PCDH15: variants seen among roughly 807,000 people sequenced by gnomAD.
PCDH15 encodes the protein protocadherin related 15, also known as protocadherin-15.
Under a neutral mutation model 178.5 loss-of-function variants are expected in PCDH15, and 129 were observed. The observed-to-expected ratio is 0.72, with a 90% CI of 0.63 to 0.84. The LOEUF (loss-of-function observed/expected upper bound fraction) is 0.84, where lower values mean the gene tolerates loss of function less well. PCDH15 is among the 40% of genes least tolerant of loss of function. PCDH15 has a pLI of 0.00. For synonymous variants in PCDH15, 800 were observed against 732.0 expected (o/e 1.09, Z -1.50); for missense variants, 2,230 against 2,099.9 (o/e 1.06, Z -1.21).
intron 2 of PCDH15, among the ~76,000 whole-genome samples, chr10:55,386,003 A>G (rs1837651187): frequency 6.6e-6 from 1 of 151,774 alleles, no homozygotes; most frequent in African/African-American, 2.4e-5. Flanking sequence ...GGTAAAATAT[A>G]TTAACAATGA....
At chr10:54,934,436 A>G (rs185046423) in intron 2 of PCDH15, among the ~76,000 whole-genome samples, 6 of 152,224 alleles carry the variant, frequency 3.9e-5, no homozygotes, top group Non-Finnish European at 7.4e-5. Flanking sequence ...GGGCTATGCT[A>G]AACTCATGGA....
chr10:55,099,023 C>A (rs1842515681), intron 2 of PCDH15, among the ~76,000 whole-genome samples: 1 of 151,758 alleles, frequency 6.6e-6, no homozygotes, highest in African/African-American at 2.4e-5. Flanking sequence ...CTATTTGGCG[C>A]AAGATGATGA....
chr10:54,672,066 T>C (rs752773508), intron 1 of PCDH15, among the ~76,000 whole-genome samples: 7 of 152,120 alleles, frequency 4.6e-5, no homozygotes, highest in Non-Finnish European at 1.0e-4. Context: ...GGGTTCCAGG[T>C]TGCATGTTCC....
At chr10:55,025,847 G>A (rs894215769) in intron 2 of PCDH15, among the ~76,000 whole-genome samples, 2 of 151,872 alleles carry the variant, frequency 1.3e-5, no homozygotes, top group Non-Finnish European at 2.9e-5. Flanking sequence ...AAAGGTTCCT[G>A]CGATTGAGGT....
chr10:54,736,527 A>G (rs1430936053), intron 1 of PCDH15, among the ~76,000 whole-genome samples: 1 of 152,058 alleles, frequency 6.6e-6, no homozygotes, highest in African/African-American at 2.4e-5. Flanking sequence ...GAATACTTCA[A>G]TCATCATTTA....
intron 2 of PCDH15, among the ~76,000 whole-genome samples, chr10:55,365,912 G>C (rs1845346721): frequency 6.6e-6 from 1 of 151,922 alleles, no homozygotes; most frequent in Admixed American, 6.6e-5. Flanking sequence ...TATCCTATCA[G>C]TAGTTCCCTT....
intron 3 of PCDH15, among the ~76,000 whole-genome samples, chr10:54,488,968 T>C (rs1221535508): frequency 6.6e-6 from 1 of 152,046 alleles, no homozygotes; most frequent in Non-Finnish European, 1.5e-5. Context: ...AGACTATTTC[T>C]ATTGAAATAA....
At chr10:54,830,669 G>C (rs1015810165) in intron 3 of PCDH15, among the ~76,000 whole-genome samples, 4 of 151,134 alleles carry the variant, frequency 2.6e-5, no homozygotes, top group Non-Finnish European at 2.9e-5. Context: ...CAACAACATG[G>C]CACATGTATA....
chr10:54,752,144 C>T (rs1946312667), intron 1 of PCDH15, among the ~76,000 whole-genome samples: 1 of 152,024 alleles, frequency 6.6e-6, no homozygotes, highest in Non-Finnish European at 1.5e-5. Flanking sequence ...AACATTGTTG[C>T]AGAATTTGTC....
Position 54,161,152 on chromosome 10 carries a change from A to G in PCDH15, c.1591-7859T>C, listed in dbSNP as rs534370486. On this transcript the variant is annotated intron_variant, in intron 13 of 37. Transcript: ENST00000644397. ...CTGGAAACAACTGAAATGCCCATCA[A>G]CTGGTAAACAGATAAGCAGAATGTG... 2.0e-5 allele frequency among the ~76,000 whole-genome samples: 3 copies of G among 152,328 alleles called. No individual in the cohort carries two copies. In the East Asian group the frequency reaches 5.8e-4, roughly 29 times the overall value.
At chr10:55,389,856 T>C (rs1837751358) in intron 2 of PCDH15, among the ~76,000 whole-genome samples, 1 of 152,082 alleles carries the variant, frequency 6.6e-6, no homozygotes, top group African/African-American at 2.4e-5. Flanking sequence ...AAAATAAATA[T>C]CCAAAAATCA....
Position 53,808,795 on chromosome 10 carries a change from C to CCAGA in PCDH15, c.4672-1669_4672-1666dup, listed in dbSNP as rs547137834. Reference sequence around the variant, plus strand: ...TGGTACCTGATAGCCCCATGGACCTCCAGACTGACTTTCGCTACTACTGCT... The same window carrying CCAGA: ...TGGTACCTGATAGCCCCATGGACCTCCAGACAGACTGACTTTCGCTACTACTGCT... On this transcript the variant is annotated intron_variant, in intron 37 of 37. Transcript: ENST00000644397. The CCAGA allele has an allele frequency of 2.4e-5, 38 of 1,611,992 alleles. No individual in the cohort carries two copies. In the African/African-American group the frequency reaches 4.0e-4, roughly 17 times the overall value.
intron 7 of PCDH15, among the ~76,000 whole-genome samples, chr10:54,325,076 T>A (rs906373637): frequency 3.3e-5 from 5 of 152,040 alleles, no homozygotes; most frequent in African/African-American, 9.7e-5. Flanking sequence ...TGTATTTATA[T>A]TTGAAGTCAA....
At chr10:54,882,220 T>G (rs1954276823) in intron 3 of PCDH15, among the ~76,000 whole-genome samples, 1 of 152,098 alleles carries the variant, frequency 6.6e-6, no homozygotes, top group South Asian at 2.1e-4. Context: ...ACATTTCCAG[T>G]GTTGTGAATA....
chr10:53,921,014 G>A (rs1360537987), intron 25 of PCDH15, among the ~76,000 whole-genome samples: 3 of 152,054 alleles, frequency 2.0e-5, no homozygotes, highest in Non-Finnish European at 4.4e-5. Flanking sequence ...TAATATAAGT[G>A]GAAGCAATTT....
intron 2 of PCDH15, among the ~76,000 whole-genome samples, chr10:55,103,419 C>G (rs1401367835): frequency 2.0e-5 from 3 of 152,120 alleles, no homozygotes; most frequent in Non-Finnish European, 4.4e-5. Flanking sequence ...TCTCCAAGAT[C>G]CATATTTTGA....
intron 3 of PCDH15, among the ~76,000 whole-genome samples, chr10:54,868,516 C>T (rs1385473167): frequency 6.6e-6 from 1 of 152,134 alleles, no homozygotes; most frequent in Non-Finnish European, 1.5e-5. Flanking sequence ...AAAGTTAAAA[C>T]TCTAGGTGCT....
rs185932436 is a variant in PCDH15 at position 55,156,815 on chromosome 10, G to T, written c.-80+9761C>A. ...CAGAAATGGATATGTTACAATGGTGGGCTAAACAGAGAGAGGTTGGTGACT... is the reference window on the plus strand; with the variant it reads ...CAGAAATGGATATGTTACAATGGTGTGCTAAACAGAGAGAGGTTGGTGACT... On this transcript the variant is annotated intron_variant, in intron 2 of 5. Transcript: ENST00000458638. 3.5e-4 allele frequency among the ~76,000 whole-genome samples: 53 copies of T among 152,182 alleles called. No individual in the cohort carries two copies. In the South Asian group the frequency reaches 6.2e-3, roughly 18 times the overall value.
chr10:55,427,249 G>C (rs894270161), intron 2 of PCDH15, among the ~76,000 whole-genome samples: 3 of 152,094 alleles, frequency 2.0e-5, no homozygotes, highest in African/African-American at 7.2e-5. Context: ...TTTTTAAATA[G>C]TTTATAAGAC....
Sources: gnomAD v4.1 joint callset for allele counts (sites outside exome capture counted in the v4.1 genomes callset) on GRCh38, gnomAD v4.1.1 for gene constraint, MANE v1.5 for transcripts, NCBI Gene and HGNC (gene_info 2026-07-23, HGNC 2026-07-21) for gene names.